The following PDE1A variants were observed in gnomAD, a reference collection of about 807,000 sequenced individuals.
PDE1A encodes phosphodiesterase 1A, also known as dual specificity calcium/calmodulin-dependent 3',5'-cyclic nucleotide phosphodiesterase 1A.
PDE1A carries 35 observed loss-of-function variants against 61.7 expected under a neutral mutation model. That is an observed-to-expected ratio of 0.57 (90% CI 0.43 to 0.75). The LOEUF is 0.75. PDE1A is among the 30% of genes least tolerant of loss of function. The pLI, the probability that PDE1A is intolerant of heterozygous loss-of-function variation, is 0.00. For missense variants in PDE1A, 597 were observed against 630.6 expected, an observed-to-expected ratio of 0.95 and a Z score of 0.57; for synonymous variants, 232 against 213.2, an observed-to-expected ratio of 1.09 and a Z score of -0.77.
At chr2:182,582,508 G>C in the PDE1A span, among the ~76,000 whole-genome samples, 1 of 152,200 alleles carries the variant, frequency 6.6e-6, no homozygotes, top group South Asian at 2.1e-4. Context: ...AATTAATTTT[G>C]TGGAAGTCTG....
chr2:182,594,829 A>C, the PDE1A span, among the ~76,000 whole-genome samples: 4 of 152,214 alleles, frequency 2.6e-5, no homozygotes, highest in African/African-American at 7.2e-5. Context: ...GCTGGTGGTC[A>C]TAACACTGGA....
At chr2:182,148,530 A>G (rs1024383549) in intron 13 of PDE1A, among the ~76,000 whole-genome samples, 2 of 152,162 alleles carry the variant, frequency 1.3e-5, no homozygotes, top group African/African-American at 4.8e-5. Flanking sequence ...AAGACCCATG[A>G]ATCTCTGGCT....
At chr2:182,362,826 C>CAAT (rs1699588002) in intron 1 of PDE1A, among the ~76,000 whole-genome samples, 1 of 151,972 alleles carries the variant, frequency 6.6e-6, no homozygotes, top group East Asian at 1.9e-4. Context: ...AAATGCCCAT[C>CAAT]AATGATAGAC....
At chr2:182,472,777 C>G (rs1687111468) in intron 2 of PDE1A, among the ~76,000 whole-genome samples, 1 of 151,764 alleles carries the variant, frequency 6.6e-6, no homozygotes, top group South Asian at 2.1e-4. Context: ...ACCTTCTAAA[C>G]AAAATCTGAT....
intron 3 of PDE1A, among the ~76,000 whole-genome samples, chr2:182,239,279 TTC>T (rs959746105): frequency 1.3e-5 from 2 of 152,200 alleles, no homozygotes; most frequent in Admixed American, 6.5e-5. Context: ...GGCAAAATTT[TTC>T]TCTGTTTCTC....
chr2:182,669,602 T>A, the PDE1A span, among the ~76,000 whole-genome samples: 1 of 152,230 alleles, frequency 6.6e-6, no homozygotes, highest in Non-Finnish European at 1.5e-5. Context: ...TCTTCCTGAT[T>A]AAAGATTTTT....
chr2:182,258,872 G>T (rs922607372), intron 2 of PDE1A, among the ~76,000 whole-genome samples: 100 of 152,006 alleles, frequency 6.6e-4, no homozygotes, highest in Admixed American at 6.5e-3. Flanking sequence ...CTGTTGCTTG[G>T]GTCTCTCTCT....
chr2:182,240,904 T>A (rs574112792), intron 2 of PDE1A, among the ~76,000 whole-genome samples: 1 of 150,870 alleles, frequency 6.6e-6, no homozygotes, highest in Non-Finnish European at 1.5e-5. Context: ...AAAAAAAAAA[T>A]GAAAACACAT....
At chr2:182,431,812 T>C (rs1703965119), upstream of PDE1A, among the ~76,000 whole-genome samples, 2 of 152,084 alleles carry the variant, frequency 1.3e-5, no homozygotes, top group African/African-American at 2.4e-5. Flanking sequence ...CTGGGCTGTA[T>C]TTAACATTCT....
chr2:182,220,924 A>G (rs1394152469), intron 7 of PDE1A, among the ~76,000 whole-genome samples: 1 of 152,064 alleles, frequency 6.6e-6, no homozygotes, highest in East Asian at 1.9e-4. Context: ...GGTCATTACA[A>G]CATTTTGGTT....
chr2:182,337,761 G>GT (rs759228168), intron 1 of PDE1A, among the ~76,000 whole-genome samples: 7 of 152,030 alleles, frequency 4.6e-5, no homozygotes, highest in Non-Finnish European at 7.4e-5. Context: ...AATGAATGTT[G>GT]TTACCTTTTT....
chr2:182,541,312 T>C, the PDE1A span, among the ~76,000 whole-genome samples: 1 of 152,224 alleles, frequency 6.6e-6, no homozygotes, highest in African/African-American at 2.4e-5. Flanking sequence ...GCTAATGATC[T>C]AAACACTTAA....
chr2:182,561,409 A>G, the PDE1A span, among the ~76,000 whole-genome samples: 3 of 151,946 alleles, frequency 2.0e-5, no homozygotes, highest in East Asian at 1.9e-4. Context: ...TGTTCCATTG[A>G]TCTATATCTC....
At chr2:182,467,589 A>C (rs1247029807) in intron 2 of PDE1A, among the ~76,000 whole-genome samples, 1 of 151,926 alleles carries the variant, frequency 6.6e-6, no homozygotes, top group Non-Finnish European at 1.5e-5. Flanking sequence ...AATCCAAACA[A>C]AGATAACACA....
intron 13 of PDE1A, among the ~76,000 whole-genome samples, chr2:182,185,062 CTTATA>C (rs1011807780): frequency 2.6e-5 from 4 of 152,044 alleles, no homozygotes; most frequent in African/African-American, 7.2e-5. Context: ...CTATTTTGAT[CTTATA>C]TTATCCATTT....
At chr2:182,709,929 G>A in the PDE1A span, among the ~76,000 whole-genome samples, 1 of 152,204 alleles carries the variant, frequency 6.6e-6, no homozygotes, top group South Asian at 2.1e-4. Context: ...ACAGAGTCTT[G>A]CTCTGTTGCC....
At chr2:182,295,055 A>ATTTTTTTTTT (rs1559306033) in intron 1 of PDE1A, among the ~76,000 whole-genome samples, 54 of 76,772 alleles carry the variant, frequency 7.0e-4, no homozygotes, top group Non-Finnish European at 1.1e-3. Context: ...ATAAAAGGTA[A>ATTTTTTTTTT]TCTTTTTTTT....
chr2:182,229,415 A>G (rs756312485), intron 6 of PDE1A, among the ~76,000 whole-genome samples: 2 of 152,054 alleles, frequency 1.3e-5, no homozygotes, highest in Non-Finnish European at 2.9e-5. Context: ...GTTCTAAGAC[A>G]TTACAAAAAT....
chr2:182,287,204 A>G (rs1377339970), intron 1 of PDE1A, among the ~76,000 whole-genome samples: 1 of 152,070 alleles, frequency 6.6e-6, no homozygotes, highest in African/African-American at 2.4e-5. Flanking sequence ...ACACTCTTCC[A>G]TAATCTTCAC....
Sources: gnomAD v4.1 joint callset for allele counts (sites outside exome capture counted in the v4.1 genomes callset) on GRCh38, gnomAD v4.1.1 for gene constraint, MANE v1.5 for transcripts, NCBI Gene and HGNC (gene_info 2026-07-23, HGNC 2026-07-21) for gene names.